Variants in SYT9 observed in about 807,000 individuals in gnomAD.
SYT9 encodes synaptotagmin-9.
SYT9 carries 22 observed loss-of-function variants against 48.4 expected under a neutral mutation model. The observed-to-expected ratio is 0.45, with a 90% CI of 0.32 to 0.65. SYT9 has a LOEUF of 0.65. SYT9 is among the 30% of genes least tolerant of loss of function. SYT9 has a pLI of 0.03. For missense variants in SYT9, 577 were observed against 622.0 expected (o/e 0.93, Z 0.77); for synonymous variants, 265 against 245.0 (o/e 1.08, Z -0.76).
chr11:7,349,382 A>AACACACACACACAC (rs71056799), intron 3 of SYT9, among the ~76,000 whole-genome samples: 30,256 of 148,030 alleles, frequency 0.2, 3,634 homozygotes, highest in East Asian at 0.47. Flanking sequence ...AAAATATACA[A>AACACACACACACAC]ACACACACAC....
At chr11:7,289,899 A>G (rs985367456) in intron 1 of SYT9, among the ~76,000 whole-genome samples, 2 of 152,258 alleles carry the variant, frequency 1.3e-5, no homozygotes, top group Admixed American at 1.3e-4. Context: ...AGCATGAATT[A>G]TTTGCTAAAA....
At chr11:7,349,917 T>C (rs891830660) in intron 3 of SYT9, among the ~76,000 whole-genome samples, 3 of 152,202 alleles carry the variant, frequency 2.0e-5, no homozygotes, top group Non-Finnish European at 4.4e-5. Context: ...GAACAATGCT[T>C]CCATCAACTC....
chr11:7,411,741 A>G (rs1175019238), intron 3 of SYT9, among the ~76,000 whole-genome samples: 1 of 152,162 alleles, frequency 6.6e-6, no homozygotes, highest in Non-Finnish European at 1.5e-5. Context: ...TGAGCCCCCT[A>G]TATGAGTCTT....
intron 3 of SYT9, among the ~76,000 whole-genome samples, chr11:7,413,976 A>AT (rs1847190030): frequency 6.6e-6 from 1 of 151,972 alleles, no homozygotes; most frequent in South Asian, 2.1e-4. Flanking sequence ...CTGAGGTTTG[A>AT]TTTTTTTCTC....
intron 3 of SYT9, among the ~76,000 whole-genome samples, chr11:7,373,545 T>A (rs1850400634): frequency 6.6e-6 from 1 of 152,142 alleles, no homozygotes. Flanking sequence ...CCAGAGGCCC[T>A]GAGTTGTTCA....
rs564043645 is a variant in SYT9, at chr11:7,426,315, C to T, written c.1467+5680C>T. 9.2e-5 allele frequency among the ~76,000 whole-genome samples: 14 copies of T among 152,234 alleles called. 1 individual carries two copies. The South Asian group carries it at 2.7e-3, about 29-fold the overall frequency. ...GTGGGCTATAGTCTCAGCATAGAAACTTGGCCACCTTGAGGCTGATGAGAC... is the reference window on the plus strand; with the variant it reads ...GTGGGCTATAGTCTCAGCATAGAAATTTGGCCACCTTGAGGCTGATGAGAC... On this transcript the variant is annotated intron_variant, in intron 6 of 6. Coordinates refer to ENST00000318881, the MANE Select transcript of SYT9 (RefSeq NM_175733.4).
chr11:7,288,148 T>C lies in SYT9; in HGVS notation c.146-14891T>C, dbSNP rs139152818. On this transcript the variant is annotated intron_variant, in intron 1 of 6. Transcript: ENST00000318881. Reference sequence around the variant, plus strand: ...AATAAGTATGTAACTGTCAGGGGCCTGGGAAACCCTGGGAGGGACCCCAGA... The same window carrying C: ...AATAAGTATGTAACTGTCAGGGGCCCGGGAAACCCTGGGAGGGACCCCAGA... 4.2e-3 allele frequency among the ~76,000 whole-genome samples: 633 copies of C among 152,208 alleles called. 7 individuals are homozygous for C. The highest frequency in any genetic ancestry group is 0.015 in the African/African-American group (608 of 41,544).
chr11:7,360,764 G>A (rs1850119423), intron 3 of SYT9, among the ~76,000 whole-genome samples: 1 of 152,040 alleles, frequency 6.6e-6, no homozygotes, highest in Admixed American at 6.6e-5. Flanking sequence ...AAAATGAATT[G>A]GAAAAATTCC....
At chr11:7,310,389 C>A (rs904362869) in intron 2 of SYT9, among the ~76,000 whole-genome samples, 2 of 151,336 alleles carry the variant, frequency 1.3e-5, no homozygotes, top group African/African-American at 4.9e-5. Flanking sequence ...CCACCTTGGC[C>A]TCCCAAAATG....
At chr11:7,453,399 A>C (rs953000719) in intron 6 of SYT9, among the ~76,000 whole-genome samples, 1 of 152,096 alleles carries the variant, frequency 6.6e-6, no homozygotes, top group Admixed American at 6.5e-5. Context: ...CCTGGTCTCT[A>C]GCATGCACAC....
At chr11:7,286,923 T>C (rs1294079055) in intron 1 of SYT9, among the ~76,000 whole-genome samples, 1 of 152,206 alleles carries the variant, frequency 6.6e-6, no homozygotes, top group Non-Finnish European at 1.5e-5. Context: ...CTTTCCCACA[T>C]CTTCCTGTCT....
At chr11:7,382,300 T>G (rs775032609) in intron 3 of SYT9, among the ~76,000 whole-genome samples, 38 of 152,316 alleles carry the variant, frequency 2.5e-4, no homozygotes, top group Admixed American at 4.6e-4. Flanking sequence ...AGGAGAAAAT[T>G]GGACAAATTC....
chr11:7,341,758 T>G (rs1017639006), intron 3 of SYT9, among the ~76,000 whole-genome samples: 1 of 152,186 alleles, frequency 6.6e-6, no homozygotes, highest in Non-Finnish European at 1.5e-5. Context: ...GTAATCATAC[T>G]GATATGACTC....
At chr11:7,399,021 T>C (rs1314539119) in intron 3 of SYT9, among the ~76,000 whole-genome samples, 1 of 152,188 alleles carries the variant, frequency 6.6e-6, no homozygotes, top group African/African-American at 2.4e-5. Context: ...CTCATTGTGG[T>C]TTTTTGCTTA....
intron 3 of SYT9, among the ~76,000 whole-genome samples, chr11:7,368,690 C>T (rs12791825): frequency 0.14 from 21,789 of 152,116 alleles, 1,819 homozygotes; most frequent in South Asian, 0.23. Flanking sequence ...GCAAAGGACA[C>T]GAACTCATCT....
At chr11:7,299,079 G>A (rs1589924663) in intron 1 of SYT9, among the ~76,000 whole-genome samples, 1 of 152,062 alleles carries the variant, frequency 6.6e-6, no homozygotes, top group African/African-American at 2.4e-5. Context: ...TATTTTTAAT[G>A]TCATATATTT....
Position 7,303,338 on chromosome 11 carries a change from G to A in SYT9, c.445G>A (p.Ala149Thr), listed in dbSNP as rs1848968530. ...STQTGIQENC[A>T]HGVRVQRQVT... ...CCAGACGGGGATCCAGGAGAACTGT[G>A]CCCATGGCGTCCGCGTGCAGCGCCA... Residue 149 changes from alanine to threonine, a missense_variant, in exon 2 of 7, where the codon GCC (alanine) becomes ACC (threonine). Transcript: ENST00000318881. 1.2e-6 allele frequency: 2 copies of A among 1,613,262 alleles called. No individual in the cohort carries two copies. Among genetic ancestry groups the A allele is most frequent in the African/African-American group, 1.3e-5 (1 of 74,914 alleles).
chr11:7,404,481 G>A (rs956590795), intron 3 of SYT9, among the ~76,000 whole-genome samples: 2 of 151,348 alleles, frequency 1.3e-5, no homozygotes, highest in African/African-American at 4.9e-5. Flanking sequence ...TTTTATTTTA[G>A]CCAATTCTTT....
In SYT9 at chr11:7,432,547, CAAAAAAAAAA is replaced by C. The variant is rs67650978; in HGVS notation, c.1467+11939_1467+11948del. On this transcript the variant is annotated intron_variant, in intron 6 of 6. Transcript: ENST00000318881. The stretch of plus-strand genomic sequence containing the variant: ...GGGCAACAAGAGTGAGACTCCATCT[CAAAAAAAAAA>C]AAAAAAAAAAAAAAAAAAAAAAAAA... Among the ~76,000 whole-genome samples the C allele has an allele frequency of 3.2e-3, 54 of 16,838 alleles. 1 individual carries two copies. The highest frequency in any genetic ancestry group is 6.5e-3 in the East Asian group (4 of 620). 11.0% of individuals were successfully genotyped at this position (16,838 alleles called of 152,430 possible).
Sources: allele counts gnomAD v4.1 joint callset (sites outside exome capture counted in the v4.1 genomes callset), GRCh38; gene constraint gnomAD v4.1.1; transcripts MANE v1.5; gene names NCBI Gene and HGNC (gene_info 2026-07-23, HGNC 2026-07-21).